ATXN1: variants seen among roughly 807,000 people sequenced by gnomAD.
ATXN1 encodes ataxin 1.
In ATXN1, 8 loss-of-function variants were observed where a neutral mutation model predicts 56.4. The observed-to-expected ratio is 0.14, with a 90% CI of 0.08 to 0.26. ATXN1 has a LOEUF of 0.26. Ranked by LOEUF, ATXN1 falls within the 10% of genes least tolerant of loss-of-function variation. The pLI is 1.00. For missense variants in ATXN1, 987 were observed against 1,106.5 expected (o/e 0.89, Z 1.53); for synonymous variants, 514 against 494.6 (o/e 1.04, Z -0.52).
At chr6:16,756,661 A>C (rs890177596) in intron 1 of ATXN1, among the ~76,000 whole-genome samples, 6 of 152,164 alleles carry the variant, frequency 3.9e-5, no homozygotes, top group Non-Finnish European at 7.4e-5. Context: ...CAAATAATCT[A>C]TCTCTCCCCT....
chr6:16,699,100 G>A (rs1471826914), intron 2 of ATXN1, among the ~76,000 whole-genome samples: 1 of 152,188 alleles, frequency 6.6e-6, no homozygotes, highest in African/African-American at 2.4e-5. Flanking sequence ...AGGAATAAAT[G>A]TGGGGCTACA....
At chr6:16,459,623 C>T (rs1001728197) in intron 6 of ATXN1, among the ~76,000 whole-genome samples, 1 of 152,194 alleles carries the variant, frequency 6.6e-6, no homozygotes, top group African/African-American at 2.4e-5. Context: ...AGGATGCTGC[C>T]TTCTGCGTTC....
At chr6:16,396,013 CAAAAAAA>C (rs59358244) in intron 6 of ATXN1, among the ~76,000 whole-genome samples, 8 of 42,238 alleles carry the variant, frequency 1.9e-4, no homozygotes, top group African/African-American at 3.8e-4. Context: ...GACTCCGTCT[CAAAAAAA>C]AAAAAAAAAA....
intron 2 of ATXN1, among the ~76,000 whole-genome samples, chr6:16,694,056 CAT>C (rs1466555809): frequency 6.6e-6 from 1 of 152,164 alleles, no homozygotes; most frequent in Admixed American, 6.5e-5. Context: ...AAGATGCCTA[CAT>C]GTTTCAAATA....
chr6:16,616,567 ATAGTATATAATATAT>A (rs1188553836), intron 3 of ATXN1, among the ~76,000 whole-genome samples: 1 of 145,746 alleles, frequency 6.9e-6, no homozygotes, highest in Non-Finnish European at 1.5e-5. Flanking sequence ...TATTTTATAT[ATAGTATATAATATAT>A]TTTATAATAT....
rs896709189 is a variant in ATXN1, at chr6:16,353,752, C to T, written c.-160-25282G>A. Among the ~76,000 whole-genome samples the T allele has an allele frequency of 5.3e-5, 8 of 152,196 alleles. No individual in the cohort carries two copies. The South Asian group carries it at 6.2e-4, about 12-fold the overall frequency. ...TTGAAGCAGTGAAAAACAGCTTCGT[C>T]TACGAGAATAAATAAATAAAAACTG... On this transcript the variant is annotated intron_variant, in intron 6 of 7. Transcript: ENST00000436367.
At chr6:16,319,306 C>G (rs1002424777) in intron 7 of ATXN1, among the ~76,000 whole-genome samples, 21 of 152,064 alleles carry the variant, frequency 1.4e-4, no homozygotes, top group Non-Finnish European at 1.5e-5. Flanking sequence ...CATGGAAGAA[C>G]CTGAAATGCA....
At chr6:16,454,125 CA>C (rs56277549) in intron 6 of ATXN1, among the ~76,000 whole-genome samples, 4,598 of 75,266 alleles carry the variant, frequency 0.061, 9 homozygotes, top group African/African-American at 0.08. Flanking sequence ...GACTCTGTCT[CA>C]AAAAAAAAAA....
At chr6:16,676,909 T>C (rs1758673788) in intron 2 of ATXN1, among the ~76,000 whole-genome samples, 1 of 152,218 alleles carries the variant, frequency 6.6e-6, no homozygotes, top group Non-Finnish European at 1.5e-5. Context: ...GGGATATCAT[T>C]GTGTTCCTTT....
chr6:16,517,548 A>T (rs1012207), intron 5 of ATXN1, among the ~76,000 whole-genome samples: 46,946 of 152,142 alleles, frequency 0.31, 7,389 homozygotes, highest in Non-Finnish European at 0.34. Flanking sequence ...AGCACCTACT[A>T]CATGGCAGAT....
chr6:16,454,524 G>C (rs1581774306), intron 6 of ATXN1, among the ~76,000 whole-genome samples: 1 of 152,190 alleles, frequency 6.6e-6, no homozygotes, highest in South Asian at 2.1e-4. Flanking sequence ...AAACTGGCTT[G>C]AGAAGCTGCA....
chr6:16,699,284 T>A (rs571161190), intron 2 of ATXN1, among the ~76,000 whole-genome samples: 3 of 152,348 alleles, frequency 2.0e-5, no homozygotes, highest in African/African-American at 7.2e-5. Context: ...AATCTCAAGC[T>A]CGTCATAGAA....
chr6:16,328,238 A>G lies in ATXN1; in HGVS notation c.73T>C (p.Ser25Pro). ...AGGGTAGGGGCCTTCTCCTCGGAGGACCGGCTGGTGGCGGGGATCTCGCGC... is the reference window on the plus strand; with the variant it reads ...AGGGTAGGGGCCTTCTCCTCGGAGGGCCGGCTGGTGGCGGGGATCTCGCGC... ...KKREIPATSR[S>P]SEEKAPTLPS... Residue 25 changes from serine to proline, a missense_variant, in exon 7 of 8, where the codon TCC becomes CCC. Ser to Pro is a moderately conservative substitution (Grantham distance 74). Transcript: ENST00000436367. This position sits in a 1 kb window ranked among gnomAD's most constrained non-coding sequence, Gnocchi z 6.2. The G allele has an allele frequency of 6.4e-7, 1 of 1,562,158 alleles. No individual in the cohort carries two copies. Among genetic ancestry groups the G allele is most frequent in the Non-Finnish European group, 8.7e-7 (1 of 1,152,378 alleles).
chr6:16,409,690 T>C (rs573498635), intron 6 of ATXN1, among the ~76,000 whole-genome samples: 2 of 151,112 alleles, frequency 1.3e-5, no homozygotes, highest in East Asian at 1.9e-4. Flanking sequence ...TTGCCGTTTA[T>C]GCAATTTCAA....
chr6:16,729,508 G>T (rs1150635), intron 2 of ATXN1, among the ~76,000 whole-genome samples: 15 of 151,982 alleles, frequency 9.9e-5, no homozygotes, highest in African/African-American at 2.7e-4. Context: ...GTATTCTTTC[G>T]TTCGAATTTT....
intron 6 of ATXN1, among the ~76,000 whole-genome samples, chr6:16,433,529 C>A (rs1026846855): frequency 1.3e-5 from 2 of 152,190 alleles, no homozygotes; most frequent in African/African-American, 4.8e-5. Flanking sequence ...TGGTTAAGCA[C>A]CCCTTTGTCA....
rs1762594131 is a variant in ATXN1 at position 16,584,819 on chromosome 6, CA to C, written c.-361+960del. Among the ~76,000 whole-genome samples, 8 of 152,158 alleles carry C rather than the reference CA, an allele frequency of 5.3e-5. No homozygotes were observed. The South Asian group carries it at 1.7e-3, about 32-fold the overall frequency. On this transcript the variant is annotated intron_variant, in intron 4 of 7. Transcript: ENST00000436367. ...TGAAAGTAATTTGGCAACAAGTTAC[CA>C]AAAGCCGTAAAACTTGAAAACTCTT...
chr6:16,320,140 A>C (rs937767211), intron 7 of ATXN1, among the ~76,000 whole-genome samples: 1 of 152,200 alleles, frequency 6.6e-6, no homozygotes, highest in Admixed American at 6.5e-5. Context: ...TGCCGCCTGC[A>C]TGAGGGCCTC....
chr6:16,614,897 C>G (rs1763179397), intron 3 of ATXN1: 2 of 151,040 alleles, frequency 1.3e-5, no homozygotes, highest in African/African-American at 4.9e-5. Flanking sequence ...TGCACTCCAG[C>G]CTGGGCAACA....
Sources: gnomAD v4.1 joint callset for allele counts (sites outside exome capture counted in the v4.1 genomes callset) on GRCh38, gnomAD v4.1.1 for gene constraint, Gnocchi (gnomAD v3.1) non-coding constraint, MANE v1.5 for transcripts, NCBI Gene and HGNC (gene_info 2026-07-23, HGNC 2026-07-21) for gene names.